ATF6: variants seen among roughly 807,000 people sequenced by gnomAD.
ATF6 encodes cyclic AMP-dependent transcription factor ATF-6 alpha.
Under a neutral mutation model 83.6 loss-of-function variants are expected in ATF6, and 53 were observed. The observed-to-expected ratio is 0.63, with a 90% CI of 0.51 to 0.80. The LOEUF (loss-of-function observed/expected upper bound fraction) is 0.80. Ranked by LOEUF, ATF6 falls within the 30% of genes least tolerant of loss-of-function variation. The probability of loss-of-function intolerance (pLI) is 0.00; values close to 1 mark genes in which losing one functional copy is unlikely to be tolerated. For synonymous variants in ATF6, 288 were observed against 285.8 expected, an observed-to-expected ratio of 1.01 and a Z score of -0.08; for missense variants, 744 against 797.9, an observed-to-expected ratio of 0.93 and a Z score of 0.81.
chr1:161,869,888 T>C (rs1687085447), intron 14 of ATF6, among the ~76,000 whole-genome samples: 2 of 151,934 alleles, frequency 1.3e-5, no homozygotes, highest in Admixed American at 1.3e-4. Flanking sequence ...TCCTTACATA[T>C]AATCACAAGT....
rs575544458 is a variant in ATF6 at position 161,809,265 on chromosome 1, A to T, written c.909+6993A>T. Among the ~76,000 whole-genome samples, 56 of 152,062 alleles carry T rather than the reference A, an allele frequency of 3.7e-4. No individual in the cohort carries two copies. In the Middle Eastern group the frequency reaches 0.014, roughly 37 times the overall value. On this transcript the variant is annotated intron_variant, in intron 7 of 15. Coordinates refer to ENST00000367942, the MANE Select transcript of ATF6 (RefSeq NM_007348.4). Reference sequence around the variant, plus strand: ...TGTGTCCAAGTGTTCTCATTGTTCAATTCCCACCTATGAGTGAGAACATGT... The same window carrying T: ...TGTGTCCAAGTGTTCTCATTGTTCATTTCCCACCTATGAGTGAGAACATGT...
chr1:161,826,736 A>G (rs1416666317), intron 9 of ATF6, among the ~76,000 whole-genome samples: 6 of 152,186 alleles, frequency 3.9e-5, no homozygotes, highest in African/African-American at 1.2e-4. Context: ...ACAAGGAAAT[A>G]TGGAGGAAAC....
chr1:161,767,330 A>G (rs922066551), intron 1 of ATF6, among the ~76,000 whole-genome samples: 2 of 152,180 alleles, frequency 1.3e-5, no homozygotes, highest in African/African-American at 2.4e-5. Flanking sequence ...AGGAATCTCA[A>G]CTTTTTATTG....
At chr1:161,864,695 G>A (rs1013301146) in intron 14 of ATF6, among the ~76,000 whole-genome samples, 1 of 152,140 alleles carries the variant, frequency 6.6e-6, no homozygotes, top group African/African-American at 2.4e-5. Context: ...AAAATTCCCT[G>A]TGTTCACCTT....
intron 7 of ATF6, among the ~76,000 whole-genome samples, chr1:161,806,771 T>C (rs1685292066): frequency 6.6e-6 from 1 of 152,142 alleles, no homozygotes; most frequent in Admixed American, 6.5e-5. Flanking sequence ...AGGTAGGTGC[T>C]GGGGGGAATC....
At chr1:161,853,192 C>A in intron 11 of ATF6, 32 bp from the exon 12 acceptor site, 2 of 1,365,714 alleles carry the variant, frequency 1.5e-6, no homozygotes, top group Non-Finnish European at 2.0e-6. Flanking sequence ...TAATTAATTT[C>A]TATGTTTAAT....
chr1:161,934,359 T>C (rs1258670196), intron 15 of ATF6, among the ~76,000 whole-genome samples: 1 of 152,204 alleles, frequency 6.6e-6, no homozygotes, highest in African/African-American at 2.4e-5. Context: ...GTTTTAGGAC[T>C]AGAAACCACA....
chr1:161,773,076 C>A (rs992862825), intron 1 of ATF6, among the ~76,000 whole-genome samples: 1 of 151,412 alleles, frequency 6.6e-6, no homozygotes, highest in Non-Finnish European at 1.5e-5. Flanking sequence ...CAAGCGATTC[C>A]CGCCTCAGCT....
At chr1:161,879,272 C>T (rs915183014) in intron 14 of ATF6, among the ~76,000 whole-genome samples, 1 of 152,040 alleles carries the variant, frequency 6.6e-6, no homozygotes, top group African/African-American at 2.4e-5. Context: ...CAGAGAGGCA[C>T]AAGTATGAAG....
At chr1:161,870,212 ATGTT>A (rs1010383830) in intron 14 of ATF6, among the ~76,000 whole-genome samples, 3 of 151,770 alleles carry the variant, frequency 2.0e-5, no homozygotes, top group Non-Finnish European at 3.0e-5. Context: ...TTACCTGATT[ATGTT>A]TGTTTGTTAA....
At chr1:161,868,054 T>C (rs1687045147) in intron 14 of ATF6, among the ~76,000 whole-genome samples, 2 of 152,258 alleles carry the variant, frequency 1.3e-5, no homozygotes, top group Admixed American at 1.3e-4. Context: ...ATAATCCCTC[T>C]GTGCTTGTGC....
Position 161,899,807 on chromosome 1 carries a change from A to G in ATF6, c.1720-12489A>G, listed in dbSNP as rs542509306. Among the ~76,000 whole-genome samples the G allele has an allele frequency of 5.9e-5, 9 of 152,176 alleles. No individual in the cohort carries two copies. In the South Asian group the frequency reaches 1.7e-3, roughly 28 times the overall value. On this transcript the variant is annotated intron_variant, in intron 14 of 15. Coordinates refer to ENST00000367942, the MANE Select transcript of ATF6 (RefSeq NM_007348.4). The stretch of plus-strand genomic sequence containing the variant: ...CAGAGTTATTGAACCTATGACCTAT[A>G]TATTCCACAGCTTACTTCAATGCTT...
intron 14 of ATF6, among the ~76,000 whole-genome samples, chr1:161,902,481 C>T (rs1163752439): frequency 6.6e-6 from 1 of 152,176 alleles, no homozygotes; most frequent in African/African-American, 2.4e-5. Context: ...CTTGGTGCCA[C>T]TACATAGATT....
chr1:161,847,520 C>T (rs779377315), intron 10 of ATF6, among the ~76,000 whole-genome samples: 16 of 152,056 alleles, frequency 1.1e-4, no homozygotes, highest in South Asian at 6.2e-4. Context: ...GTAGCTGCAA[C>T]GCAACATAGC....
chr1:161,856,175 A>G (rs912103383), intron 12 of ATF6, among the ~76,000 whole-genome samples: 2 of 152,258 alleles, frequency 1.3e-5, no homozygotes, highest in African/African-American at 4.8e-5. Flanking sequence ...GTTTTTAACC[A>G]TTATGGAACT....
At chr1:161,860,411 T>C in intron 13 of ATF6, 134 bp downstream of exon 13, 1 of 230,902 alleles carries the variant, frequency 4.3e-6, no homozygotes, top group Non-Finnish European at 8.6e-6. Flanking sequence ...TACTCTAAGA[T>C]ATATATATAT....
chr1:161,912,687 C>T (rs928049392), intron 15 of ATF6, among the ~76,000 whole-genome samples: 1 of 152,148 alleles, frequency 6.6e-6, no homozygotes, highest in Non-Finnish European at 1.5e-5. Context: ...GAAGCCCCTG[C>T]TGTGTTCTGA....
At chr1:161,808,618 G>A (rs1685363247) in intron 7 of ATF6, among the ~76,000 whole-genome samples, 1 of 151,750 alleles carries the variant, frequency 6.6e-6, no homozygotes, top group African/African-American at 2.4e-5. Flanking sequence ...TGTTGCCTAG[G>A]CTGGTGTGCA....
At chr1:161,910,000 T>G (rs1395965114) in intron 14 of ATF6, among the ~76,000 whole-genome samples, 1 of 152,088 alleles carries the variant, frequency 6.6e-6, no homozygotes, top group Non-Finnish European at 1.5e-5. Flanking sequence ...ATTTATTGAG[T>G]GATTACAGCT....
Sources: allele counts gnomAD v4.1 joint callset (sites outside exome capture counted in the v4.1 genomes callset), GRCh38; gene constraint gnomAD v4.1.1; transcripts MANE v1.5; gene names NCBI Gene and HGNC (gene_info 2026-07-23, HGNC 2026-07-21).